Variants in BTD observed in about 807,000 individuals in gnomAD.
BTD encodes biotinidase, also known as biocytinase.
A neutral mutation model predicts 17.7 loss-of-function variants in BTD; 13 were observed. The ratio of observed to expected loss-of-function variants is 0.74; its 90% CI spans 0.48 to 1.17. The LOEUF (loss-of-function observed/expected upper bound fraction) is 1.17, where lower values mean the gene tolerates loss of function less well. Ranked by LOEUF, BTD falls within the 50% of genes most tolerant of loss-of-function variation. The pLI, the probability that BTD is intolerant of heterozygous loss-of-function variation, is 0.00. For synonymous variants in BTD, 240 were observed against 245.2 expected (o/e 0.98, Z 0.20); for missense variants, 674 against 650.4 (o/e 1.04, Z -0.39).
downstream of BTD, chr3:15,714,549 C>CA: frequency 7.0e-7 from 1 of 1,438,752 alleles, no homozygotes. Context: ...AAAAAAAAAC[C>CA]CCAAAAAAAA....
chr3:15,637,846 T>C (rs1473478747), intron 2 of BTD, among the ~76,000 whole-genome samples: 1 of 152,208 alleles, frequency 6.6e-6, no homozygotes, highest in Non-Finnish European at 1.5e-5. Context: ...GCATTCACCT[T>C]TCAATAATCT....
chr3:15,648,217 G>A lies in BTD; in HGVS notation c.*2729G>A, dbSNP rs2065738614. Among the ~76,000 whole-genome samples, 1 of 152,200 alleles carries A rather than the reference G, an allele frequency of 6.6e-6. No individual in the cohort carries two copies. Among genetic ancestry groups the A allele is most frequent in the African/African-American group, 2.4e-5 (1 of 41,444 alleles). The stretch of plus-strand genomic sequence containing the variant: ...CTCAATGAAACTCAGAACCGCTCAA[G>A]TGAAATGACCACTCAAAGAACAATT... On this transcript the variant is annotated 3_prime_UTR_variant, in exon 4 of 4. Transcript: ENST00000643237.
chr3:15,665,527 A>G (rs9843080), intron 3 of BTD, among the ~76,000 whole-genome samples: 9,692 of 152,272 alleles, frequency 0.064, 1,024 homozygotes, highest in African/African-American at 0.22. Context: ...CCACACTGTA[A>G]GGGTACCACA....
At chr3:15,654,042 G>A (rs2065844587), downstream of BTD, among the ~76,000 whole-genome samples, 1 of 152,202 alleles carries the variant, frequency 6.6e-6, no homozygotes, top group African/African-American at 2.4e-5. Context: ...CCTTTAGCGA[G>A]AGCTTATTAT....
chr3:15,680,273 T>G (rs1575113041), intron 3 of BTD, among the ~76,000 whole-genome samples: 1 of 152,112 alleles, frequency 6.6e-6, no homozygotes, highest in Non-Finnish European at 1.5e-5. Context: ...GGCGCGATCT[T>G]GGCTCACTGC....
In BTD at chr3:15,601,971, T is replaced by C. The variant is rs750253477; in HGVS notation, c.-17+77T>C. ...TCCAGACCCCGCCCCGGGCGCCCAG[T>C]TGGACTTGGGGAGGGCTGCGCAAAG... On this transcript the variant is annotated intron_variant, in intron 1 of 3. Transcript: ENST00000643237. 3.9e-4 allele frequency: 614 copies of C among 1,588,804 alleles called. No individual in the cohort carries two copies. In the Middle Eastern group the frequency reaches 5.5e-3, roughly 14 times the overall value.
At chr3:15,642,297 T>G in intron 3 of BTD, 1 of 1,414,062 alleles carries the variant, frequency 7.1e-7, no homozygotes, top group Non-Finnish European at 9.2e-7. Flanking sequence ...AATACAGGAA[T>G]GTATACTTAA....
chr3:15,662,175 TTTAA>T (rs1254643863), intron 3 of BTD, among the ~76,000 whole-genome samples: 2 of 152,232 alleles, frequency 1.3e-5, no homozygotes, highest in Non-Finnish European at 1.5e-5. Context: ...TTGCTGGGAT[TTTAA>T]TTGAGATTGC....
intron 1 of BTD, among the ~76,000 whole-genome samples, chr3:15,616,487 G>A (rs1367576084): frequency 6.6e-6 from 1 of 151,960 alleles, no homozygotes; most frequent in Non-Finnish European, 1.5e-5. Flanking sequence ...GTGGTGGCAG[G>A]CGCCTGTAAT....
At chr3:15,629,424 A>T (rs984895175) in intron 1 of BTD, among the ~76,000 whole-genome samples, 1 of 152,108 alleles carries the variant, frequency 6.6e-6, no homozygotes, top group African/African-American at 2.4e-5. Context: ...CTTACATTTG[A>T]GACCCTCTGC....
At chr3:15,630,491 TG>T (rs2065179593) in intron 1 of BTD, among the ~76,000 whole-genome samples, 1 of 152,226 alleles carries the variant, frequency 6.6e-6, no homozygotes, top group South Asian at 2.1e-4. Context: ...TGACTTAAAC[TG>T]TGAAGGCAGT....
intron 3 of BTD, chr3:15,667,487 G>A (rs1410655337): frequency 6.6e-6 from 1 of 152,178 alleles, no homozygotes; most frequent in African/African-American, 2.4e-5. Context: ...AAGCAAACAG[G>A]CTTTTCTACT....
chr3:15,639,809 C>T (rs932377501), intron 2 of BTD, among the ~76,000 whole-genome samples: 4 of 152,176 alleles, frequency 2.6e-5, no homozygotes, highest in Admixed American at 2.6e-4. Flanking sequence ...GTGTTAAGAA[C>T]TTAAAAGTTT....
At position 15,652,686 on chromosome 3, in the gene BTD, T is replaced by C. The variant is rs1475909419; in HGVS notation, c.*7198T>C. Among the ~76,000 whole-genome samples the C allele has an allele frequency of 6.6e-6, 1 of 152,198 alleles. No individual in the cohort carries two copies. The highest frequency in any genetic ancestry group is 1.5e-5 in the Non-Finnish European group (1 of 68,046). ...AATTTATTATACAGCAATAGAAAACTAATACAATAGTCTTGCTACCAGCAC... is the reference window on the plus strand; with the variant it reads ...AATTTATTATACAGCAATAGAAAACCAATACAATAGTCTTGCTACCAGCAC... On this transcript the variant is annotated 3_prime_UTR_variant, in exon 4 of 4. Coordinates refer to ENST00000643237, the MANE Select transcript of BTD (RefSeq NM_001370658.1).
chr3:15,680,004 A>C (rs2067369865), intron 3 of BTD, among the ~76,000 whole-genome samples: 1 of 152,160 alleles, frequency 6.6e-6, no homozygotes, highest in African/African-American at 2.4e-5. Flanking sequence ...TGCAAATACT[A>C]TCCCATTTTC....
At chr3:15,681,225 T>C (rs908433275) in intron 3 of BTD, among the ~76,000 whole-genome samples, 1 of 152,206 alleles carries the variant, frequency 6.6e-6, no homozygotes, top group Non-Finnish European at 1.5e-5. Context: ...AAATGCTATA[T>C]AAATAGTTGT....
At chr3:15,615,328 G>A (rs574751800) in intron 1 of BTD, among the ~76,000 whole-genome samples, 13 of 152,200 alleles carry the variant, frequency 8.5e-5, no homozygotes, top group Non-Finnish European at 1.8e-4. Context: ...CCTGCTCAGA[G>A]CCCAAGATGA....
At chr3:15,709,569 G>A (rs1041219565) in intron 3 of BTD, 20 of 761,586 alleles carry the variant, frequency 2.6e-5, no homozygotes, top group Non-Finnish European at 4.1e-5. Context: ...CAGTGTACAA[G>A]ATGCTAAATT....
chr3:15,648,178 G>A lies in BTD; in HGVS notation c.*2690G>A, dbSNP rs770735383. ...CCTCAGAGAGGACCGATGGTGAGTC[G>A]GCCGCTCTTGATTCTCAATGAAACT... On this transcript the variant is annotated 3_prime_UTR_variant, in exon 4 of 4. Coordinates refer to ENST00000643237, the MANE Select transcript of BTD (RefSeq NM_001370658.1). 2.0e-5 allele frequency among the ~76,000 whole-genome samples: 3 copies of A among 152,172 alleles called. No individual in the cohort carries two copies. Among genetic ancestry groups the A allele is most frequent in the Non-Finnish European group, 2.9e-5 (2 of 68,028 alleles).
Sources: gnomAD v4.1 joint callset for allele counts (sites outside exome capture counted in the v4.1 genomes callset) on GRCh38, gnomAD v4.1.1 for gene constraint, MANE v1.5 for transcripts, NCBI Gene and HGNC (gene_info 2026-07-23, HGNC 2026-07-21) for gene names.